Variants in SYTL4 observed in about 807,000 individuals in gnomAD.
SYTL4 encodes synaptotagmin like 4, also known as synaptotagmin-like protein 4.
A neutral mutation model predicts 52.7 loss-of-function variants in SYTL4; 16 were observed. The ratio of observed to expected loss-of-function variants is 0.30; its 90% CI spans 0.21 to 0.46. The LOEUF (loss-of-function observed/expected upper bound fraction) is 0.46, where lower values mean the gene tolerates loss of function less well. Among genes scored for constraint, SYTL4 ranks in the 20% least tolerant of loss-of-function variants. SYTL4 has a pLI of 1.00. For missense variants in SYTL4, 423 were observed against 519.9 expected, an observed-to-expected ratio of 0.81 and a Z score of 1.81; for synonymous variants, 160 against 186.6, an observed-to-expected ratio of 0.86 and a Z score of 1.16.
intron 2 of SYTL4, among the ~76,000 whole-genome samples, chrX:100,714,673 C>T (rs1399542319): frequency 8.9e-6 from 1 of 112,093 alleles, no homozygotes; most frequent in African/African-American, 3.2e-5. Flanking sequence ...TTGTCAAAAA[C>T]ATAAAAGACA....
intron 19 of SYTL4, among the ~76,000 whole-genome samples, 156 bp downstream of exon 19, chrX:100,678,235 T>C (rs1344625992): frequency 1.8e-5 from 2 of 111,562 alleles, no homozygotes; most frequent in Non-Finnish European, 3.8e-5. Flanking sequence ...TCCTGGCACA[T>C]AGTAGGCACT....
intron 2 of SYTL4, among the ~76,000 whole-genome samples, chrX:100,722,363 C>A (rs1461982528): frequency 1.8e-5 from 2 of 111,592 alleles, no homozygotes. Flanking sequence ...CTGTTCTCCA[C>A]AATAACTATT....
At chrX:100,703,930 G>T (rs889371819) in intron 3 of SYTL4, among the ~76,000 whole-genome samples, 4 of 112,237 alleles carry the variant, frequency 3.6e-5, no homozygotes, top group Admixed American at 9.5e-5. Flanking sequence ...TTCCCTTGGG[G>T]AGTAGAATTG....
At chrX:100,713,224 C>T (rs191978100) in intron 2 of SYTL4, among the ~76,000 whole-genome samples, 9 of 112,103 alleles carry the variant, frequency 8.0e-5, no homozygotes, top group East Asian at 2.8e-4. Context: ...GTGGGCGGAT[C>T]GCTTGAGGTC....
chrX:100,723,656 C>G (rs1265261751), intron 2 of SYTL4, among the ~76,000 whole-genome samples: 1 of 109,663 alleles, frequency 9.1e-6, no homozygotes, highest in Non-Finnish European at 1.9e-5. Context: ...TCTGCCCGGC[C>G]GCCCATCGTC....
At chrX:100,716,858 C>A (rs1460062249) in intron 2 of SYTL4, among the ~76,000 whole-genome samples, 1 of 111,722 alleles carries the variant, frequency 9.0e-6, no homozygotes, top group Non-Finnish European at 1.9e-5. Flanking sequence ...GCTACTCAGA[C>A]AAATTCAAGG....
At position 100,675,782 on chromosome X, in the gene SYTL4, A is replaced by T. The variant is rs2083264733; in HGVS notation, c.*246T>A. 3 of 296,329 alleles carry T rather than the reference A, an allele frequency of 1.0e-5. No individual in the cohort carries two copies. The highest frequency in any genetic ancestry group is 1.8e-5 in the Non-Finnish European group (3 of 169,961). The allele number at this position is 296,329 out of a possible 1,213,427, so 24.4% of individuals were successfully genotyped here. ...ACTCTGAAAATAAACTAGATTATACACAGAAACATTTTAAAGAAATGCTTA... is the reference window on the plus strand; with the variant it reads ...ACTCTGAAAATAAACTAGATTATACTCAGAAACATTTTAAAGAAATGCTTA... On this transcript the variant is annotated 3_prime_UTR_variant, in exon 20 of 20. Transcript: ENST00000372989.
chrX:100,725,074 G>C lies in SYTL4; in HGVS notation c.-240+6344C>G, dbSNP rs1041691573. On this transcript the variant is annotated intron_variant, in intron 2 of 19. Coordinates refer to ENST00000372989, the MANE Select transcript of SYTL4 (RefSeq NM_001370165.1). ...ATCTTAACATTGTTACCTCTGGAGA[G>C]TGGGATAAGCAGGAACAGAAGATTT... 1.2e-4 allele frequency among the ~76,000 whole-genome samples: 13 copies of C among 111,391 alleles called. No homozygotes were observed. The Admixed American group carries it at 1.2e-3, about 11-fold the overall frequency.
intron 12 of SYTL4, among the ~76,000 whole-genome samples, chrX:100,688,942 G>T (rs929622245): frequency 2.7e-5 from 3 of 110,970 alleles, no homozygotes; most frequent in Non-Finnish European, 5.7e-5. Context: ...TATCTCAAAA[G>T]AATAAGATAA....
chrX:100,713,272 C>T (rs1480921235), intron 2 of SYTL4, among the ~76,000 whole-genome samples: 1 of 111,342 alleles, frequency 9.0e-6, no homozygotes, highest in Non-Finnish European at 1.9e-5. Flanking sequence ...GGTGAAACCC[C>T]GTCTCTACTA....
chrX:100,689,018 C>G (rs1471350117), intron 12 of SYTL4, among the ~76,000 whole-genome samples: 1 of 110,844 alleles, frequency 9.0e-6, no homozygotes, highest in East Asian at 2.8e-4. Context: ...ACCCTGTTTA[C>G]ATTTTAATCA....
chrX:100,726,242 C>T (rs2084514343), intron 2 of SYTL4, among the ~76,000 whole-genome samples: 1 of 110,438 alleles, frequency 9.1e-6, no homozygotes, highest in Non-Finnish European at 1.9e-5. Context: ...AAACTTTTTT[C>T]CAGTTTTATG....
chrX:100,725,942 G>C (rs910302210), intron 2 of SYTL4, among the ~76,000 whole-genome samples: 1 of 111,210 alleles, frequency 9.0e-6, no homozygotes, highest in South Asian at 3.8e-4. Context: ...AAGCAGTGTA[G>C]ATGCCATGGA....
At chrX:100,683,271 C>T (rs991019814) in intron 16 of SYTL4, among the ~76,000 whole-genome samples, 2 of 108,059 alleles carry the variant, frequency 1.9e-5, no homozygotes, top group African/African-American at 3.4e-5. Context: ...GTCAGCCTCC[C>T]GAGTAGCTGG....
At chrX:100,701,351 T>G (rs2083846503) in intron 6 of SYTL4, 22 bp from the exon 7 acceptor site, 1 of 1,179,581 alleles carries the variant, frequency 8.5e-7, no homozygotes, top group Admixed American at 2.2e-5. Flanking sequence ...TAAAAGAAAA[T>G]GACAGATGGA....
intron 2 of SYTL4, among the ~76,000 whole-genome samples, chrX:100,713,161 T>C (rs1333366752): frequency 1.8e-5 from 2 of 112,368 alleles, no homozygotes; most frequent in Non-Finnish European, 3.8e-5. Context: ...AAAGCATACG[T>C]AGGCCGGACG....
chrX:100,718,790 T>A (rs1056958388), intron 2 of SYTL4, among the ~76,000 whole-genome samples: 26 of 97,250 alleles, frequency 2.7e-4, no homozygotes, highest in African/African-American at 8.7e-4. Context: ...CATTTTGTGC[T>A]TTTCACTCCT....
At chrX:100,703,399 A>G (rs1292701325) in intron 3 of SYTL4, among the ~76,000 whole-genome samples, 1 of 111,838 alleles carries the variant, frequency 8.9e-6, no homozygotes, top group African/African-American at 3.3e-5. Context: ...AATTTACTGC[A>G]TAGACAATAG....
intron 2 of SYTL4, among the ~76,000 whole-genome samples, chrX:100,727,959 A>G (rs1356257529): frequency 9.0e-6 from 1 of 111,552 alleles, no homozygotes; most frequent in Non-Finnish European, 1.9e-5. Context: ...AGAGATGTCA[A>G]ATAGGTCATT....
Sources: gnomAD v4.1 joint callset for allele counts (sites outside exome capture counted in the v4.1 genomes callset) on GRCh38, gnomAD v4.1.1 for gene constraint, MANE v1.5 for transcripts, NCBI Gene and HGNC (gene_info 2026-07-23, HGNC 2026-07-21) for gene names.